TOX: variants seen among roughly 807,000 people sequenced by gnomAD.
TOX encodes thymocyte selection-associated high mobility group box protein TOX.
In TOX, 11 loss-of-function variants were observed where a neutral mutation model predicts 53.7. That is an observed-to-expected ratio of 0.20 (90% CI 0.13 to 0.34). The LOEUF (loss-of-function observed/expected upper bound fraction) is 0.34. TOX is among the 10% of genes least tolerant of loss of function. The pLI is 1.00. For synonymous variants in TOX, 225 were observed against 245.3 expected (o/e 0.92, Z 0.77); for missense variants, 570 against 664.6 (o/e 0.86, Z 1.56).
chr8:58,822,093 G>A (rs185996513), intron 6 of TOX, among the ~76,000 whole-genome samples: 1 of 152,332 alleles, frequency 6.6e-6, no homozygotes, highest in Admixed American at 6.5e-5. Flanking sequence ...CTGCTTTTAA[G>A]TTTCTCTATG....
At chr8:58,864,507 T>C (rs1414873034) in intron 3 of TOX, among the ~76,000 whole-genome samples, 2 of 152,236 alleles carry the variant, frequency 1.3e-5, no homozygotes, top group Non-Finnish European at 2.9e-5. Context: ...ACTTGGGTTT[T>C]TTCATTGGGT....
chr8:59,030,483 T>A (rs955931312), intron 1 of TOX, among the ~76,000 whole-genome samples: 1 of 152,178 alleles, frequency 6.6e-6, no homozygotes, highest in Admixed American at 6.5e-5. Flanking sequence ...CCACTGAAGC[T>A]CTACGAAATG....
chr8:58,834,311 C>T (rs994872001), intron 5 of TOX, among the ~76,000 whole-genome samples: 32 of 152,136 alleles, frequency 2.1e-4, no homozygotes, highest in African/African-American at 7.2e-4. Flanking sequence ...CTTAGCCTTC[C>T]ACCGGAACCA....
chr8:58,956,924 A>C (rs922938102), intron 2 of TOX, among the ~76,000 whole-genome samples: 4 of 152,180 alleles, frequency 2.6e-5, no homozygotes, highest in African/African-American at 9.7e-5. Context: ...TAAATACTGT[A>C]TTATTAACTA....
intron 1 of TOX, among the ~76,000 whole-genome samples, chr8:59,098,400 T>G (rs1485760177): frequency 6.6e-6 from 1 of 152,226 alleles, no homozygotes; most frequent in African/African-American, 2.4e-5. Flanking sequence ...CTCTCTGCAT[T>G]TTTTGGTTTT....
intron 1 of TOX, among the ~76,000 whole-genome samples, chr8:59,062,803 T>A (rs1804009713): frequency 6.6e-6 from 1 of 152,208 alleles, no homozygotes; most frequent in Admixed American, 6.5e-5. Flanking sequence ...TGTGTCTGTG[T>A]GTGACAGAGA....
At chr8:59,007,199 C>A (rs1813806466) in intron 1 of TOX, among the ~76,000 whole-genome samples, 1 of 147,270 alleles carries the variant, frequency 6.8e-6, no homozygotes, top group African/African-American at 2.5e-5. Flanking sequence ...CACAGCTCTG[C>A]TGGAAAATAA....
chr8:58,830,418 T>C (rs886163978), intron 5 of TOX, among the ~76,000 whole-genome samples: 1 of 152,168 alleles, frequency 6.6e-6, no homozygotes, highest in Non-Finnish European at 1.5e-5. Flanking sequence ...TGTCACATGA[T>C]CTAGTGATTC....
At chr8:58,846,234 A>T (rs554433857) in intron 4 of TOX, among the ~76,000 whole-genome samples, 84 of 152,040 alleles carry the variant, frequency 5.5e-4, no homozygotes, top group African/African-American at 1.5e-3. Context: ...CTTTTTTTTT[A>T]AAATAAATAA....
chr8:58,952,924 ATGG>A (rs1463241856), intron 2 of TOX, among the ~76,000 whole-genome samples: 1 of 152,162 alleles, frequency 6.6e-6, no homozygotes, highest in Non-Finnish European at 1.5e-5. Flanking sequence ...CAATCAGTAG[ATGG>A]TGTGCTCTAC....
chr8:59,071,170 T>C (rs1243082179), intron 1 of TOX, among the ~76,000 whole-genome samples: 1 of 152,160 alleles, frequency 6.6e-6, no homozygotes, highest in Non-Finnish European at 1.5e-5. Context: ...AGTGTCTGAT[T>C]CACTGAGATT....
intron 1 of TOX, among the ~76,000 whole-genome samples, chr8:59,042,479 T>C (rs1259015916): frequency 6.6e-6 from 1 of 152,206 alleles, no homozygotes; most frequent in African/African-American, 2.4e-5. Context: ...CTGAGAATAA[T>C]TTACTTCTTT....
intron 3 of TOX, among the ~76,000 whole-genome samples, chr8:58,882,643 A>G (rs1811403080): frequency 6.6e-6 from 1 of 152,208 alleles, no homozygotes; most frequent in Non-Finnish European, 1.5e-5. Flanking sequence ...AATTTTGAAA[A>G]AATGTTAAAA....
At chr8:58,998,493 G>GTATATATA (rs61434586) in intron 1 of TOX, among the ~76,000 whole-genome samples, 26 of 63,610 alleles carry the variant, frequency 4.1e-4, no homozygotes, top group East Asian at 9.6e-4. Flanking sequence ...CATCTCAAAA[G>GTATATATA]TATATATATA....
At chr8:58,942,279 CTT>C (rs1214744183) in intron 2 of TOX, among the ~76,000 whole-genome samples, 4 of 152,108 alleles carry the variant, frequency 2.6e-5, no homozygotes, top group African/African-American at 9.7e-5. Context: ...ATTGGTATCA[CTT>C]TACATTCAGT....
At chr8:58,885,411 GGA>G (rs1238188260) in intron 3 of TOX, among the ~76,000 whole-genome samples, 1 of 151,962 alleles carries the variant, frequency 6.6e-6, no homozygotes, top group Non-Finnish European at 1.5e-5. Context: ...TCTCTTTTCT[GGA>G]TAGCTTTAAA....
chr8:58,829,917 C>T (rs1327292566), intron 5 of TOX, among the ~76,000 whole-genome samples: 4 of 152,126 alleles, frequency 2.6e-5, no homozygotes, highest in Non-Finnish European at 5.9e-5. Context: ...CCTCTGCTTG[C>T]AGAGAGCAAA....
intron 3 of TOX, among the ~76,000 whole-genome samples, chr8:58,938,057 T>C (rs1257081581): frequency 6.1e-5 from 1 of 16,350 alleles, no homozygotes; most frequent in African/African-American, 6.0e-4. Flanking sequence ...GTGATGGTGC[T>C]GCCAATGAGT....
chr8:58,975,092 TAC>T (rs1360959160), intron 1 of TOX, among the ~76,000 whole-genome samples: 1 of 152,014 alleles, frequency 6.6e-6, no homozygotes, highest in Non-Finnish European at 1.5e-5. Context: ...TATAAAGTTG[TAC>T]ATATACACAC....
Sources: gnomAD v4.1 joint callset for allele counts (sites outside exome capture counted in the v4.1 genomes callset) on GRCh38, gnomAD v4.1.1 for gene constraint, MANE v1.5 for transcripts, NCBI Gene and HGNC (gene_info 2026-07-23, HGNC 2026-07-21) for gene names.